Variants in CAMK2D observed in about 807,000 individuals in gnomAD.
CAMK2D encodes calcium/calmodulin dependent protein kinase II delta.
A neutral mutation model predicts 84.0 loss-of-function variants in CAMK2D; 37 were observed. That is an observed-to-expected ratio of 0.44 (90% CI 0.34 to 0.58). The LOEUF (loss-of-function observed/expected upper bound fraction) is 0.58, where lower values mean the gene tolerates loss of function less well. CAMK2D is among the 20% of genes least tolerant of loss of function. CAMK2D has a pLI of 0.02. For missense variants in CAMK2D, 448 were observed against 652.5 expected (o/e 0.69, Z 3.41); for synonymous variants, 202 against 212.5 (o/e 0.95, Z 0.43).
At chr4:113,705,680 T>C (rs907117684) in intron 2 of CAMK2D, among the ~76,000 whole-genome samples, 1 of 152,240 alleles carries the variant, frequency 6.6e-6, no homozygotes, top group Non-Finnish European at 1.5e-5. Flanking sequence ...TAAGAGACTA[T>C]TCAAAGGTAG....
intron 8 of CAMK2D, among the ~76,000 whole-genome samples, chr4:113,530,672 T>C (rs1263005867): frequency 1.3e-5 from 2 of 152,174 alleles, no homozygotes; most frequent in Non-Finnish European, 2.9e-5. Context: ...TCTCTGTTTC[T>C]GCCATGTGAA....
chr4:113,676,777 T>C (rs62316665), intron 2 of CAMK2D, among the ~76,000 whole-genome samples: 10,289 of 152,274 alleles, frequency 0.068, 426 homozygotes, highest in Non-Finnish European at 0.092. Context: ...CTTGCTAAAA[T>C]AGCTCTTGTC....
intron 3 of CAMK2D, among the ~76,000 whole-genome samples, chr4:113,618,754 C>T (rs1008045261): frequency 7.9e-5 from 12 of 152,030 alleles, no homozygotes; most frequent in African/African-American, 7.2e-5. Flanking sequence ...ATCTTAGGCT[C>T]ACAATCTGGG....
chr4:113,631,842 T>C (rs2099090998), intron 3 of CAMK2D, among the ~76,000 whole-genome samples: 1 of 152,160 alleles, frequency 6.6e-6, no homozygotes, highest in South Asian at 2.1e-4. Context: ...GTGTTCTGGA[T>C]GATGAGCATG....
intron 4 of CAMK2D, among the ~76,000 whole-genome samples, chr4:113,582,571 G>C (rs1012766698): frequency 2.2e-5 from 2 of 90,770 alleles, no homozygotes. Context: ...GAGCTGATAA[G>C]CTGCTCTTAC....
chr4:113,469,400 C>T (rs993674062), intron 16 of CAMK2D, among the ~76,000 whole-genome samples: 3 of 152,194 alleles, frequency 2.0e-5, no homozygotes, highest in East Asian at 1.9e-4. Context: ...TCTTGCTTTT[C>T]TACATGTTCT....
intron 4 of CAMK2D, among the ~76,000 whole-genome samples, chr4:113,579,387 A>C (rs541717901): frequency 1.3e-5 from 2 of 152,278 alleles, no homozygotes; most frequent in East Asian, 3.9e-4. Flanking sequence ...ATCAAATCTC[A>C]TGTTGAAATG....
rs186494525 is a variant in CAMK2D, at chr4:113,460,912, G to A, written c.1212-671C>T. On this transcript the variant is annotated intron_variant, in intron 17 of 20. Transcript: ENST00000511664. ...TCCTTATGTTGCCCAGGCTCGTCTC[G>A]GACTCTAGGCACAAGTGATCCTCCC... Among the ~76,000 whole-genome samples, 8 of 151,984 alleles carry A rather than the reference G, an allele frequency of 5.3e-5. No individual in the cohort carries two copies. The East Asian group carries it at 1.2e-3, about 22-fold the overall frequency.
At chr4:113,465,681 T>C (rs2097451047) in intron 16 of CAMK2D, 77 bp from the exon 17 acceptor site, 2 of 910,610 alleles carry the variant, frequency 2.2e-6, no homozygotes, top group Non-Finnish European at 3.6e-6. Flanking sequence ...TTTTTAATTT[T>C]TGAGATAGGG....
chr4:113,488,148 T>C (rs956546198), intron 16 of CAMK2D, among the ~76,000 whole-genome samples: 3 of 152,110 alleles, frequency 2.0e-5, no homozygotes, highest in Non-Finnish European at 2.9e-5. Context: ...ACCTTAGATT[T>C]AGTAGCTTAT....
intron 3 of CAMK2D, among the ~76,000 whole-genome samples, chr4:113,630,095 C>A (rs1299114867): frequency 2.6e-5 from 4 of 152,110 alleles, no homozygotes; most frequent in Non-Finnish European, 5.9e-5. Flanking sequence ...AATCACTATA[C>A]TACAATATCC....
intron 13 of CAMK2D, among the ~76,000 whole-genome samples, chr4:113,509,252 T>C (rs2098175777): frequency 1.3e-5 from 2 of 152,222 alleles, no homozygotes; most frequent in Non-Finnish European, 2.9e-5. Context: ...TTTCAGGCTA[T>C]ATATTTCAGT....
intron 2 of CAMK2D, among the ~76,000 whole-genome samples, chr4:113,708,785 C>T (rs1425437081): frequency 6.6e-6 from 1 of 152,078 alleles, no homozygotes. Flanking sequence ...AGTGCAGTGG[C>T]GTAATCTCGG....
chr4:113,646,508 G>C (rs2099152653), intron 3 of CAMK2D, among the ~76,000 whole-genome samples: 1 of 152,200 alleles, frequency 6.6e-6, no homozygotes, highest in South Asian at 2.1e-4. Flanking sequence ...ACACACAGCT[G>C]TCAGGGCAGG....
At chr4:113,726,464 C>G (rs985414297) in intron 2 of CAMK2D, among the ~76,000 whole-genome samples, 1 of 148,442 alleles carries the variant, frequency 6.7e-6, no homozygotes, top group Non-Finnish European at 1.5e-5. Flanking sequence ...CACTGCAAGC[C>G]TCAAACTCCT....
intron 4 of CAMK2D, among the ~76,000 whole-genome samples, chr4:113,592,510 T>C (rs1296081717): frequency 6.6e-6 from 1 of 152,254 alleles, no homozygotes; most frequent in Admixed American, 6.5e-5. Context: ...TCCATGATTT[T>C]ACATTTAATT....
At chr4:113,672,909 TA>T (rs942184351) in intron 2 of CAMK2D, among the ~76,000 whole-genome samples, 3 of 152,048 alleles carry the variant, frequency 2.0e-5, no homozygotes, top group South Asian at 2.1e-4. Flanking sequence ...ACATATCAAT[TA>T]AAAAATATAA....
intron 3 of CAMK2D, among the ~76,000 whole-genome samples, chr4:113,656,319 C>T (rs1227272578): frequency 6.6e-6 from 1 of 152,112 alleles, no homozygotes; most frequent in Non-Finnish European, 1.5e-5. Context: ...CCAAAAGATG[C>T]ATGGTGCTTT....
intron 13 of CAMK2D, 92 bp from the exon 14 acceptor site, chr4:113,505,127 C>T (rs1267139956): frequency 9.9e-6 from 6 of 606,320 alleles, no homozygotes; most frequent in Non-Finnish European, 1.6e-5. Context: ...GAGATGTAGA[C>T]ATGAAGATAA....
Sources: gnomAD v4.1 joint callset for allele counts (sites outside exome capture counted in the v4.1 genomes callset) on GRCh38, gnomAD v4.1.1 for gene constraint, MANE v1.5 for transcripts, NCBI Gene and HGNC (gene_info 2026-07-23, HGNC 2026-07-21) for gene names.